Variants in GLG1 observed in about 807,000 individuals in gnomAD.
GLG1 encodes the protein golgi glycoprotein 1.
GLG1 carries 38 observed loss-of-function variants against 160.5 expected under a neutral mutation model. The ratio of observed to expected loss-of-function variants is 0.24; its 90% CI spans 0.18 to 0.31. The LOEUF is 0.31. Among genes scored for constraint, GLG1 ranks in the 10% least tolerant of loss-of-function variants. The pLI is 1.00. For synonymous variants in GLG1, 644 were observed against 543.4 expected, an observed-to-expected ratio of 1.19 and a Z score of -2.57; for missense variants, 1,373 against 1,505.2, an observed-to-expected ratio of 0.91 and a Z score of 1.45.
intron 1 of GLG1, among the ~76,000 whole-genome samples, chr16:74,534,509 G>A (rs1454055032): frequency 1.3e-5 from 2 of 152,168 alleles, no homozygotes; most frequent in African/African-American, 4.8e-5. Context: ...GAAATTTAGA[G>A]CATTGGAGAA....
chr16:74,571,088 G>C (rs1208025177), intron 1 of GLG1, among the ~76,000 whole-genome samples: 1 of 151,984 alleles, frequency 6.6e-6, no homozygotes, highest in African/African-American at 2.4e-5. Context: ...TTGTACACTG[G>C]AGCTTGTCCT....
At position 74,452,746 on chromosome 16, in the gene GLG1, C is replaced by T. The variant is rs551914536; in HGVS notation, c.*421G>A. ...ACACAGTCATATGAAAGACATAACC[C>T]CATTGCCCAAATCAAGCCTGGAGGA... On this transcript the variant is annotated 3_prime_UTR_variant, in exon 26 of 26. Coordinates refer to ENST00000422840, the MANE Select transcript of GLG1 (RefSeq NM_001145667.2). 81 of 992,666 alleles carry T rather than the reference C, an allele frequency of 8.2e-5. No homozygotes were observed. In the African/African-American group the frequency reaches 1.3e-3, roughly 16 times the overall value. 61.5% of individuals were successfully genotyped at this position (992,666 alleles called of 1,614,324 possible).
At chr16:74,574,837 T>C (rs143474890) in intron 1 of GLG1, among the ~76,000 whole-genome samples, 1,397 of 120,938 alleles carry the variant, frequency 0.012, 13 homozygotes, top group South Asian at 0.067. Context: ...TGAGCCTAGA[T>C]TGCACCACTG....
chr16:74,529,470 T>G (rs1032902670), intron 2 of GLG1, among the ~76,000 whole-genome samples: 5 of 152,164 alleles, frequency 3.3e-5, no homozygotes, highest in African/African-American at 1.2e-4. Context: ...ATTTTATTTA[T>G]AGGAAAATAT....
At chr16:74,546,173 T>G (rs2018041050) in intron 1 of GLG1, among the ~76,000 whole-genome samples, 1 of 152,206 alleles carries the variant, frequency 6.6e-6, no homozygotes, top group African/African-American at 2.4e-5. Context: ...GCTTTGTAGC[T>G]CATGCCTGTA....
At chr16:74,517,806 A>G (rs12921826) in intron 2 of GLG1, among the ~76,000 whole-genome samples, 150,818 of 152,280 alleles carry the variant, frequency 0.99, 74,718 homozygotes, top group East Asian at 1. Context: ...AAAGCCCGTC[A>G]TCTCAGCCCA....
At chr16:74,492,141 C>T (rs1343516247) in intron 7 of GLG1, among the ~76,000 whole-genome samples, 1 of 149,860 alleles carries the variant, frequency 6.7e-6, no homozygotes, top group Admixed American at 6.6e-5. Context: ...AATCCCAGCA[C>T]TTTGGGAGGC....
At chr16:74,596,011 C>T (rs13339156) in intron 1 of GLG1, among the ~76,000 whole-genome samples, 108,016 of 151,976 alleles carry the variant, frequency 0.71, 39,015 homozygotes, top group African/African-American at 0.83. Flanking sequence ...TAGTCGCAGC[C>T]ACTCGGGAGG....
intron 25 of GLG1, among the ~76,000 whole-genome samples, chr16:74,454,762 G>A (rs972053484): frequency 6.7e-6 from 1 of 149,174 alleles, no homozygotes; most frequent in Non-Finnish European, 1.5e-5. Context: ...GAACTCCTGG[G>A]CTCAAGTGAT....
At chr16:74,494,443 G>T (rs1406460607) in intron 6 of GLG1, among the ~76,000 whole-genome samples, 1 of 120,150 alleles carries the variant, frequency 8.3e-6, no homozygotes, top group Admixed American at 1.1e-4. Context: ...GTCTCACTCT[G>T]TCACCCAGGC....
chr16:74,471,154 G>A lies in GLG1; in HGVS notation c.2229+19C>T. The A allele has an allele frequency of 7.9e-7, 1 of 1,270,720 alleles. No individual in the cohort carries two copies. Among genetic ancestry groups the A allele is most frequent in the Non-Finnish European group, 1.2e-6 (1 of 866,018 alleles). The allele number at this position is 1,270,720 out of a possible 1,614,324, so 78.7% of individuals were successfully genotyped here. A position where few individuals can be genotyped will look rare whatever the true frequency, so the allele number is the denominator to read the frequency against. ...TCCAGGCAGCTATGATGGGATATTG[G>A]CAGCCAGGTGTCACTGACCAGCTGG... On this transcript the variant is annotated intron_variant, in intron 15 of 25. Coordinates refer to ENST00000422840, the MANE Select transcript of GLG1 (RefSeq NM_001145667.2).
chr16:74,592,929 G>C (rs896304328), intron 1 of GLG1, among the ~76,000 whole-genome samples: 1 of 152,154 alleles, frequency 6.6e-6, no homozygotes, highest in Non-Finnish European at 1.5e-5. Flanking sequence ...TAGGTCATGA[G>C]AGCACTGGTC....
intron 2 of GLG1, among the ~76,000 whole-genome samples, chr16:74,529,809 GTTCTT>G (rs1250654030): frequency 4.5e-4 from 47 of 104,082 alleles, no homozygotes; most frequent in African/African-American, 1.7e-3. Context: ...CTCTTTGAGA[GTTCTT>G]TTTTTTTTTT....
chr16:74,468,834 T>G (rs1227201718), intron 17 of GLG1, 112 bp downstream of exon 17: 2 of 706,826 alleles, frequency 2.8e-6, no homozygotes, highest in African/African-American at 3.5e-5. Flanking sequence ...GGACTTCAAG[T>G]CTTAACCATC....
chr16:74,488,531 C>T (rs2015871559), intron 8 of GLG1, among the ~76,000 whole-genome samples: 1 of 152,070 alleles, frequency 6.6e-6, no homozygotes, highest in African/African-American at 2.4e-5. Context: ...TTTTTGTGGG[C>T]AAAAGCTAAA....
At chr16:74,471,031 A>T in intron 15 of GLG1, 142 bp downstream of exon 15, 1 of 682,642 alleles carries the variant, frequency 1.5e-6, no homozygotes, top group Non-Finnish European at 2.7e-6. Context: ...TGCTGGGATT[A>T]CAGGTGTGAG....
At chr16:74,477,330 C>G (rs2015419080) in intron 12 of GLG1, 66 bp downstream of exon 12, 1 of 1,163,184 alleles carries the variant, frequency 8.6e-7, no homozygotes, top group Non-Finnish European at 1.3e-6. Flanking sequence ...TGTTTGTACT[C>G]TGCATAAAAT....
At chr16:74,605,427 A>T (rs1190216885) in intron 1 of GLG1, among the ~76,000 whole-genome samples, 6 of 152,234 alleles carry the variant, frequency 3.9e-5, no homozygotes, top group Non-Finnish European at 8.8e-5. Context: ...GACATCTATT[A>T]TGTGTCCTCA....
At chr16:74,514,192 T>C (rs191819337) in intron 2 of GLG1, among the ~76,000 whole-genome samples, 1,889 of 152,170 alleles carry the variant, frequency 0.012, 15 homozygotes, top group Non-Finnish European at 0.019. Context: ...ACAGGGAGAA[T>C]GGAACCAAGT....
Sources: allele counts gnomAD v4.1 joint callset (sites outside exome capture counted in the v4.1 genomes callset), GRCh38; gene constraint gnomAD v4.1.1; transcripts MANE v1.5; gene names NCBI Gene and HGNC (gene_info 2026-07-23, HGNC 2026-07-21).